Variants in ZBTB16 observed in about 807,000 individuals in gnomAD.
ZBTB16 encodes zinc finger and BTB domain containing 16.
Under a neutral mutation model 56.8 loss-of-function variants are expected in ZBTB16, and 8 were observed. That is an observed-to-expected ratio of 0.14 (90% CI 0.08 to 0.25). ZBTB16 has a LOEUF of 0.25. Among genes scored for constraint, ZBTB16 ranks in the 10% least tolerant of loss-of-function variants. The pLI is 1.00. For missense variants in ZBTB16, 625 were observed against 903.0 expected, an observed-to-expected ratio of 0.69 and a Z score of 3.95; for synonymous variants, 363 against 368.5, an observed-to-expected ratio of 0.98 and a Z score of 0.17.
At chr11:114,217,785 C>A (rs1944139497) in intron 4 of ZBTB16, among the ~76,000 whole-genome samples, 1 of 152,078 alleles carries the variant, frequency 6.6e-6, no homozygotes, top group African/African-American at 2.4e-5. Flanking sequence ...AGAGTTGGGG[C>A]AAAGGGCACT....
Position 114,228,848 on chromosome 11 carries a change from C to T in ZBTB16, c.1454-13319C>T, listed in dbSNP as rs561484914. 2.0e-4 allele frequency among the ~76,000 whole-genome samples: 30 copies of T among 152,370 alleles called. 1 individual carries two copies. The South Asian group carries it at 6.0e-3, about 31-fold the overall frequency. ...CAATGCAGAAGGGAGCCATATGGTC[C>T]TTTGTGGACACATTTTCCCTAGTAC... On this transcript the variant is annotated intron_variant, in intron 4 of 6. Coordinates refer to ENST00000335953, the MANE Select transcript of ZBTB16 (RefSeq NM_006006.6).
intron 2 of ZBTB16, among the ~76,000 whole-genome samples, chr11:114,107,824 G>T (rs1314503263): frequency 6.6e-6 from 1 of 152,040 alleles, no homozygotes; most frequent in Non-Finnish European, 1.5e-5. Context: ...GAGATGATGT[G>T]CAGTCTACAT....
chr11:114,119,246 G>A (rs916644751), intron 2 of ZBTB16, among the ~76,000 whole-genome samples: 2 of 122,612 alleles, frequency 1.6e-5, no homozygotes, highest in African/African-American at 3.1e-5. Flanking sequence ...GCCCGGGTGA[G>A]AGAGTGAAAC....
At chr11:114,070,892 C>T (rs1240627530) in intron 2 of ZBTB16, among the ~76,000 whole-genome samples, 1 of 152,152 alleles carries the variant, frequency 6.6e-6, no homozygotes, top group Non-Finnish European at 1.5e-5. Context: ...CTCCTGGGCT[C>T]CTGGAAATCT....
Position 114,063,689 on chromosome 11 carries a change from A to G in ZBTB16, c.389A>G (p.Asp130Gly). 1 of 1,614,118 alleles carries G rather than the reference A, an allele frequency of 6.2e-7. No individual in the cohort carries two copies. The highest frequency in any genetic ancestry group is 8.5e-7 in the Non-Finnish European group (1 of 1,180,036). The change falls in exon 2 of 7, where the codon GAC becomes GGC. Residue 130 changes from aspartate to glycine, a missense_variant. This residue lies in a region of ZBTB16 where 384 missense variants were observed against 393.5 expected (regional missense o/e 0.98). Coordinates refer to ENST00000335953, the MANE Select transcript of ZBTB16 (RefSeq NM_006006.6). This position sits in a 1 kb window ranked among gnomAD's most constrained non-coding sequence, Gnocchi z 6.5. ...CTGGAGACCATCCAGGCCTCAGACG[A>G]CAATGACACGGAGGCCACCATGGCC... ...KMLETIQASD[D>G]NDTEATMADG... is the part of the protein sequence containing the mutation.
In ZBTB16 at chr11:114,242,327, C is replaced by T. The variant is rs139901986; in HGVS notation, c.1614C>T (p.Arg538=). 3 of 1,613,582 alleles carry T rather than the reference C, an allele frequency of 1.9e-6. No individual in the cohort carries two copies. The highest frequency in any genetic ancestry group is 2.7e-5 in the African/African-American group (2 of 74,946). The change falls in exon 5 of 7, where the codon CGC becomes CGT. Residue 538 remains arginine (R), a synonymous_variant. Transcript: ENST00000335953. ...ACACGGCTCTCAAACGCCACCTGCG[C>T]TCACATACAGGTAGGTCAGTCCAGC... The part of the protein sequence containing the change: ...PSHTALKRHL[R]SHTGDHPYEC...
intron 2 of ZBTB16, among the ~76,000 whole-genome samples, chr11:114,108,994 G>C (rs1383474268): frequency 6.6e-6 from 1 of 152,170 alleles, no homozygotes; most frequent in East Asian, 1.9e-4. Flanking sequence ...TGCTTCCCTA[G>C]TGGGGCTGTC....
rs58946694 is a variant in ZBTB16 at position 114,167,232 on chromosome 11, G to GTTTTTTTTT, written c.1366+10811_1366+10819dup. 6.5e-4 allele frequency among the ~76,000 whole-genome samples: 58 copies of GTTTTTTTTT among 88,704 alleles called. 3 individuals are homozygous for GTTTTTTTTT. Among genetic ancestry groups the GTTTTTTTTT allele is most frequent in the South Asian group, 2.1e-3 (6 of 2,792 alleles). 58.2% of individuals were successfully genotyped at this position (88,704 alleles called of 152,430 possible). A position where few individuals can be genotyped will look rare whatever the true frequency, so the allele number is the denominator to read the frequency against. The stretch of plus-strand genomic sequence containing the variant: ...GGATTTGTGGTTTTTTTTTTTTTTG[G>GTTTTTTTTT]TTTTTTTTTTTTTTTTTTTTTGACA... On this transcript the variant is annotated intron_variant, in intron 3 of 6. Coordinates refer to ENST00000335953, the MANE Select transcript of ZBTB16 (RefSeq NM_006006.6).
intron 3 of ZBTB16, among the ~76,000 whole-genome samples, chr11:114,176,065 G>A (rs1454696317): frequency 6.6e-6 from 1 of 152,016 alleles, no homozygotes; most frequent in Non-Finnish European, 1.5e-5. Flanking sequence ...GTGGGGGCCT[G>A]TGACGGAGCA....
chr11:114,129,053 A>G (rs770805147), intron 2 of ZBTB16, among the ~76,000 whole-genome samples: 1 of 152,158 alleles, frequency 6.6e-6, no homozygotes, highest in South Asian at 2.1e-4. Context: ...GGCCACTTTC[A>G]TCTGGGTCTG....
intron 4 of ZBTB16, among the ~76,000 whole-genome samples, chr11:114,233,473 C>T (rs548034300): frequency 1.2e-3 from 182 of 152,072 alleles, no homozygotes; most frequent in African/African-American, 4.1e-3. Flanking sequence ...GGCCCCTGCA[C>T]CCTAGAAAGG....
intron 3 of ZBTB16, among the ~76,000 whole-genome samples, chr11:114,181,776 C>T (rs529805392): frequency 2.0e-5 from 3 of 152,198 alleles, no homozygotes; most frequent in East Asian, 1.9e-4. Context: ...AAGGGTCTAG[C>T]GCACTTTATC....
At position 114,253,926 on chromosome 11, in the gene ZBTB16, C is replaced by A. The variant is rs977271993; in HGVS notation, c.*3371C>A. Reference sequence around the variant, plus strand: ...TCATGCCACCTGACTCCTTCGGCCCCCTGGCTGCCTTTAGCTGTGGTACTG... The same window carrying A: ...TCATGCCACCTGACTCCTTCGGCCCACTGGCTGCCTTTAGCTGTGGTACTG... On this transcript the variant is annotated 3_prime_UTR_variant, in exon 7 of 7. Coordinates refer to ENST00000335953, the MANE Select transcript of ZBTB16 (RefSeq NM_006006.6). Among the ~76,000 whole-genome samples, 3 of 152,136 alleles carry A rather than the reference C, an allele frequency of 2.0e-5. No homozygotes were observed. The highest frequency in any genetic ancestry group is 4.4e-5 in the Non-Finnish European group (3 of 68,028).
chr11:114,117,874 G>A (rs1239870183), intron 2 of ZBTB16, among the ~76,000 whole-genome samples: 1 of 152,172 alleles, frequency 6.6e-6, no homozygotes, highest in Non-Finnish European at 1.5e-5. Flanking sequence ...AATGTAAAGT[G>A]TTTTCATCAA....
intron 2 of ZBTB16, among the ~76,000 whole-genome samples, chr11:114,117,273 A>T (rs1040078732): frequency 6.6e-6 from 1 of 152,128 alleles, no homozygotes; most frequent in East Asian, 1.9e-4. Context: ...TTGCTTGTGC[A>T]GCAGAGAGAG....
chr11:114,148,424 C>CTCTGTCTGTCTGT (rs1565651805), intron 2 of ZBTB16, among the ~76,000 whole-genome samples: 2 of 24,420 alleles, frequency 8.2e-5, no homozygotes, highest in African/African-American at 1.7e-4. Flanking sequence ...TCCCTCCCTC[C>CTCTGTCTGTCTGT]CTCTCTCTCT....
rs190094885 is a variant in ZBTB16, at chr11:114,200,032, G to A, written c.1453+12994G>A. 9.3e-3 allele frequency among the ~76,000 whole-genome samples: 1,414 copies of A among 151,754 alleles called. 13 individuals are homozygous for A. The highest frequency in any genetic ancestry group is 0.032 in the African/African-American group (1,338 of 41,354). ...AGTCCCAGCTACTTGGGAGGCTGAG[G>A]CAGGAGAATGGTGTGAACCCGGGAG... On this transcript the variant is annotated intron_variant, in intron 4 of 6. Coordinates refer to ENST00000335953, the MANE Select transcript of ZBTB16 (RefSeq NM_006006.6).
At chr11:114,198,294 G>A (rs1943652027) in intron 4 of ZBTB16, among the ~76,000 whole-genome samples, 1 of 152,244 alleles carries the variant, frequency 6.6e-6, no homozygotes, top group East Asian at 1.9e-4. Flanking sequence ...GGAGGGTCAT[G>A]TGCTGCTGTT....
At chr11:114,168,113 A>G (rs1261672550) in intron 3 of ZBTB16, among the ~76,000 whole-genome samples, 1 of 152,184 alleles carries the variant, frequency 6.6e-6, no homozygotes, top group African/African-American at 2.4e-5. Context: ...TCTTGAGAAC[A>G]TGTGATTTAT....
Sources: allele counts gnomAD v4.1 joint callset (sites outside exome capture counted in the v4.1 genomes callset), GRCh38; gene constraint gnomAD v4.1.1; regional missense constraint gnomAD v4.1.1; non-coding constraint Gnocchi (gnomAD v3.1); transcripts MANE v1.5; gene names NCBI Gene and HGNC (gene_info 2026-07-23, HGNC 2026-07-21).